KIAA1671: variants seen among roughly 807,000 people sequenced by gnomAD.
KIAA1671 encodes the protein uncharacterized protein KIAA1671.
Under a neutral mutation model 131.2 loss-of-function variants are expected in KIAA1671, and 52 were observed. That is an observed-to-expected ratio of 0.40 (90% CI 0.32 to 0.50). The LOEUF (loss-of-function observed/expected upper bound fraction) is 0.50, where lower values mean the gene tolerates loss of function less well. KIAA1671 is among the 20% of genes least tolerant of loss of function. KIAA1671 has a pLI of 0.73. For synonymous variants in KIAA1671, 1,003 were observed against 961.6 expected (o/e 1.04, Z -0.80); for missense variants, 2,360 against 2,364.2 (o/e 1.00, Z 0.04).
At chr22:25,137,009 G>A (rs923489489) in intron 6 of KIAA1671, among the ~76,000 whole-genome samples, 9 of 152,094 alleles carry the variant, frequency 5.9e-5, no homozygotes, top group South Asian at 2.1e-4. Flanking sequence ...TTTCAGCTCC[G>A]CAATCCTATT....
At chr22:25,175,237 C>G (rs959406193) in intron 8 of KIAA1671, 6 of 152,182 alleles carry the variant, frequency 3.9e-5, no homozygotes, top group Admixed American at 3.9e-4. Flanking sequence ...ATTCTCCTCG[C>G]GTAACAATAG....
chr22:25,149,929 C>G (rs1932979220), intron 6 of KIAA1671, among the ~76,000 whole-genome samples: 1 of 152,334 alleles, frequency 6.6e-6, no homozygotes, highest in African/African-American at 2.4e-5. Flanking sequence ...CTGACCCCCT[C>G]CCCATGCCCT....
At chr22:24,999,759 C>T (rs892035203) in intron 1 of KIAA1671, among the ~76,000 whole-genome samples, 1 of 149,598 alleles carries the variant, frequency 6.7e-6, no homozygotes, top group Admixed American at 6.7e-5. Context: ...GACAGGGTCT[C>T]ATCATATTGT....
Position 25,039,927 on chromosome 22 carries a change from A to G in KIAA1671, c.2797A>G (p.Arg933Gly). ...GPAQVPQPAVRMRKAGAMDQR... is the reference protein window; with the variant it reads ...GPAQVPQPAVGMRKAGAMDQR... The stretch of plus-strand genomic sequence containing the variant: ...GGCCCAGGTGCCACAGCCTGCAGTC[A>G]GAATGCGGAAAGCCGGCGCCATGGA... Residue 933 changes from arginine to glycine, a missense_variant, in exon 5 of 13, where the codon AGA (arginine) becomes GGA (glycine). Coordinates refer to ENST00000358431, the MANE Select transcript of KIAA1671 (RefSeq NM_001145206.2). 6.4e-7 allele frequency: 1 copy of G among 1,551,572 alleles called. No homozygotes were observed. Among genetic ancestry groups the G allele is most frequent in the Middle Eastern group, 1.7e-4 (1 of 5,992 alleles).
chr22:25,009,516 C>T (rs1328890816), intron 1 of KIAA1671, among the ~76,000 whole-genome samples: 2 of 151,570 alleles, frequency 1.3e-5, no homozygotes, highest in Admixed American at 1.3e-4. Flanking sequence ...CTTCCTGCCT[C>T]ATCCTCCCAA....
chr22:24,963,986 C>T (rs1293892408), intron 1 of KIAA1671, among the ~76,000 whole-genome samples: 2 of 151,172 alleles, frequency 1.3e-5, no homozygotes, highest in African/African-American at 2.4e-5. Flanking sequence ...GGCTGCCACT[C>T]ATCTTTATGC....
intron 6 of KIAA1671, among the ~76,000 whole-genome samples, chr22:25,098,861 G>C (rs1485551978): frequency 6.6e-6 from 1 of 152,192 alleles, no homozygotes; most frequent in East Asian, 1.9e-4. Context: ...GAACAGCGTG[G>C]GTGGCGCAAA....
chr22:25,010,506 T>G (rs572031887), intron 1 of KIAA1671: 2 of 152,204 alleles, frequency 1.3e-5, no homozygotes, highest in South Asian at 2.1e-4. Context: ...ATTGTGCATT[T>G]GTAGAGACCT....
intron 1 of KIAA1671, among the ~76,000 whole-genome samples, chr22:24,994,443 T>G (rs1401801779): frequency 6.6e-6 from 1 of 152,180 alleles, no homozygotes; most frequent in Non-Finnish European, 1.5e-5. Flanking sequence ...CATTAAATTA[T>G]CCGACTTGAG....
At chr22:25,068,665 T>C (rs1928632366) in intron 6 of KIAA1671, among the ~76,000 whole-genome samples, 1 of 152,224 alleles carries the variant, frequency 6.6e-6, no homozygotes, top group Non-Finnish European at 1.5e-5. Context: ...CTCGATCTCC[T>C]GACCTCATGA....
intron 4 of KIAA1671, among the ~76,000 whole-genome samples, chr22:25,036,350 G>C (rs1034435805): frequency 6.6e-5 from 10 of 152,020 alleles, no homozygotes; most frequent in Non-Finnish European, 1.3e-4. Flanking sequence ...AAAGTGCTGA[G>C]ATTGCAGGCA....
At chr22:25,101,827 G>C (rs56243310) in intron 6 of KIAA1671, among the ~76,000 whole-genome samples, 31,183 of 152,074 alleles carry the variant, frequency 0.21, 4,054 homozygotes, top group Non-Finnish European at 0.28. Context: ...GACAGGACAC[G>C]TCCCTGCCGC....
chr22:24,985,088 A>G (rs1923451292), intron 1 of KIAA1671, among the ~76,000 whole-genome samples: 1 of 151,688 alleles, frequency 6.6e-6, no homozygotes. Flanking sequence ...GATTTTTTGG[A>G]TATATATTCA....
chr22:25,196,328 C>G lies in KIAA1671; in HGVS notation c.*3927C>G, dbSNP rs1322408982. 2 of 152,218 alleles carry G rather than the reference C, an allele frequency of 1.3e-5. No individual in the cohort carries two copies. The highest frequency in any genetic ancestry group is 4.8e-5 in the African/African-American group (2 of 41,436). The allele number at this position is 152,218 out of a possible 1,614,324, so 9.4% of individuals were successfully genotyped here. On this transcript the variant is annotated 3_prime_UTR_variant, in exon 13 of 13. Transcript: ENST00000358431. ...TCTCCTTCAGTGGTTGCTCTCACAC[C>G]TGTGCCATAACATCATCTTCCATGA... is the stretch of plus-strand genomic sequence containing the variant.
chr22:25,043,285 G>T (rs1350551866), intron 5 of KIAA1671, among the ~76,000 whole-genome samples: 1 of 152,148 alleles, frequency 6.6e-6, no homozygotes, highest in Non-Finnish European at 1.5e-5. Flanking sequence ...TAGGGTGTTG[G>T]CAGAGGGCCC....
At chr22:25,126,473 G>A (rs1932191082) in intron 6 of KIAA1671, among the ~76,000 whole-genome samples, 1 of 152,216 alleles carries the variant, frequency 6.6e-6, no homozygotes. Context: ...TACAAAGGTA[G>A]CCATGCTGGC....
intron 1 of KIAA1671, among the ~76,000 whole-genome samples, chr22:25,019,948 T>C (rs1188893512): frequency 3.3e-5 from 5 of 152,206 alleles, no homozygotes; most frequent in African/African-American, 1.2e-4. Flanking sequence ...CTGGGTTGTT[T>C]CAACTAGGTG....
chr22:24,956,275 G>A (rs1207435760), intron 1 of KIAA1671, among the ~76,000 whole-genome samples: 1 of 152,174 alleles, frequency 6.6e-6, no homozygotes, highest in African/African-American at 2.4e-5. Flanking sequence ...TAGCAAACCT[G>A]CTTTAGAACC....
intron 1 of KIAA1671, among the ~76,000 whole-genome samples, chr22:25,005,824 C>T (rs1387508439): frequency 6.6e-6 from 1 of 152,124 alleles, no homozygotes; most frequent in South Asian, 2.1e-4. Flanking sequence ...GCTAGAAGAT[C>T]TAAGTTTTGT....
Sources: gnomAD v4.1 joint callset for allele counts (sites outside exome capture counted in the v4.1 genomes callset) on GRCh38, gnomAD v4.1.1 for gene constraint, MANE v1.5 for transcripts, NCBI Gene and HGNC (gene_info 2026-07-23, HGNC 2026-07-21) for gene names.